UBN1: variants seen among roughly 807,000 people sequenced by gnomAD.
The protein encoded by UBN1 is ubinuclein-1.
In UBN1, 17 loss-of-function variants were observed where a neutral mutation model predicts 108.5. The ratio of observed to expected loss-of-function variants is 0.16; its 90% CI spans 0.11 to 0.24. The LOEUF is 0.24. Among genes scored for constraint, UBN1 ranks in the 10% least tolerant of loss-of-function variants. The pLI is 1.00. For synonymous variants in UBN1, 726 were observed against 564.2 expected, an observed-to-expected ratio of 1.29 and a Z score of -4.07; for missense variants, 1,595 against 1,394.4, an observed-to-expected ratio of 1.14 and a Z score of -2.29.
chr16:4,861,740 G>C (rs572857494), intron 7 of UBN1, among the ~76,000 whole-genome samples: 2 of 152,186 alleles, frequency 1.3e-5, no homozygotes, highest in Non-Finnish European at 2.9e-5. Context: ...TCAGGAGTTC[G>C]AGACCAGCCT....
At position 4,874,771 on chromosome 16, in the gene UBN1, A is replaced by G; in HGVS notation, c.2361A>G (p.Pro787=). The change falls in exon 15 of 18, where the codon CCA becomes CCG. Residue 787 remains proline (P), a synonymous_variant. Transcript: ENST00000262376. Reference sequence around the variant, plus strand: ...CCAAAGCTAAGCACCACAGCTTGCCACGGACGTCTCACGGGCCCCAAGTGG... The same window carrying G: ...CCAAAGCTAAGCACCACAGCTTGCCGCGGACGTCTCACGGGCCCCAAGTGG... ...HQSKAKHHSL[P]RTSHGPQVAV... is the part of the protein sequence containing the mutation. 6.2e-7 allele frequency: 1 copy of G among 1,614,100 alleles called. No homozygotes were observed. The highest frequency in any genetic ancestry group is 1.6e-4 in the Middle Eastern group (1 of 6,062).
intron 11 of UBN1, 58 bp from the exon 12 acceptor site, chr16:4,871,097 G>A (rs745493103): frequency 1.5e-4 from 241 of 1,608,346 alleles, no homozygotes; most frequent in Non-Finnish European, 1.9e-4. Context: ...CACATGATTG[G>A]AACCTTGGAG....
chr16:4,872,748 C>T (rs1449597216), intron 12 of UBN1, 136 bp from the exon 13 acceptor site: 8 of 995,398 alleles, frequency 8.0e-6, no homozygotes, highest in Non-Finnish European at 9.1e-6. Flanking sequence ...GGATTACAGG[C>T]GTGAGCCACT....
chr16:4,871,433 G>C, intron 12 of UBN1, 132 bp downstream of exon 12: 1 of 1,293,900 alleles, frequency 7.7e-7, no homozygotes. Flanking sequence ...TCTCACCTGA[G>C]TAACTGGGGG....
intron 2 of UBN1, among the ~76,000 whole-genome samples, chr16:4,855,578 C>CGCACT (rs1267142239): frequency 1.4e-5 from 2 of 145,950 alleles, no homozygotes; most frequent in Admixed American, 7.0e-5. Context: ...ATCACACCAC[C>CGCACT]GCACTGGGTG....
intron 1 of UBN1, among the ~76,000 whole-genome samples, chr16:4,850,764 T>TA (rs1323349466): frequency 6.6e-6 from 1 of 152,238 alleles, no homozygotes; most frequent in Non-Finnish European, 1.5e-5. Flanking sequence ...TATATACAAA[T>TA]ACGTCTACAT....
intron 12 of UBN1, chr16:4,872,130 A>G (rs2087672800): frequency 4.3e-6 from 4 of 935,610 alleles, no homozygotes; most frequent in Non-Finnish European, 5.1e-6. Context: ...TTGGACTCGA[A>G]TCATCTGTTG....
In UBN1 at chr16:4,860,976, C is replaced by A; in HGVS notation, c.984C>A (p.Pro328=). 6.2e-7 allele frequency: 1 copy of A among 1,614,266 alleles called. No individual in the cohort carries two copies. Among genetic ancestry groups the A allele is most frequent in the Non-Finnish European group, 8.5e-7 (1 of 1,180,052 alleles). The change falls in exon 7 of 18, where the codon CCC becomes CCA. Residue 328 remains proline (P), a synonymous_variant. Transcript: ENST00000262376. The stretch of plus-strand genomic sequence containing the variant: ...TCAGTGAGTCTCCAGAAGGAAGTCC[C>A]TTCCGAGATATGGATGATGGAAGTG... ...HLLSESPEGS[P]FRDMDDGSDS... is the part of the protein sequence containing the mutation.
rs776491071 is a variant in UBN1 at position 4,874,833 on chromosome 16, A to G, written c.2423A>G (p.His808Arg). ...PVPGPQVKVF[H>R]AGTQQQKNFT... ...CCTGGCCCCCAGGTCAAAGTCTTTC[A>G]TGCCGGCACTCAGCAGCAGAAAAAC... The change falls in exon 15 of 18, where the codon CAT becomes CGT. Residue 808 changes from histidine to arginine, a missense_variant. Physicochemically the swap from His to Arg is conservative, Grantham distance 29 (BLOSUM62 0). Coordinates refer to ENST00000262376, the MANE Select transcript of UBN1 (RefSeq NM_001079514.3). The G allele has an allele frequency of 1.2e-6, 2 of 1,614,062 alleles. No individual in the cohort carries two copies. Among genetic ancestry groups the G allele is most frequent in the South Asian group, 2.2e-5 (2 of 91,082 alleles).
At position 4,847,573 on chromosome 16, in the gene UBN1, G is replaced by T; in HGVS notation, c.-677G>T. ...ACGGTGCGACCGGCTGAGCGCGAGAGGGAGCCGGCCTCGCGGCTCGCCCCG... is the reference window on the plus strand; with the variant it reads ...ACGGTGCGACCGGCTGAGCGCGAGATGGAGCCGGCCTCGCGGCTCGCCCCG... On this transcript the variant is annotated 5_prime_UTR_variant, in exon 1 of 18. It adds an upstream start codon to the 5' untranslated region. Transcript: ENST00000262376. 1 of 394,256 alleles carries T rather than the reference G, an allele frequency of 2.5e-6. No individual in the cohort carries two copies. The highest frequency in any genetic ancestry group is 3.3e-5 in the South Asian group (1 of 29,928). 24.4% of individuals were successfully genotyped at this position (394,256 alleles called of 1,614,324 possible).
In UBN1 at chr16:4,857,970, G is replaced by A. The variant is rs757944310; in HGVS notation, c.250-20G>A. 7.0e-6 allele frequency: 11 copies of A among 1,567,406 alleles called. No individual in the cohort carries two copies. In the South Asian group the frequency reaches 1.0e-4, roughly 15 times the overall value. On this transcript the variant is annotated intron_variant, in intron 2 of 17. Coordinates refer to ENST00000262376, the MANE Select transcript of UBN1 (RefSeq NM_001079514.3). Reference sequence around the variant, plus strand: ...GGGAATATTTTCTGACTTATTTTTTGTGGAACGATCTCTTTACAGAAGAAA... The same window carrying A: ...GGGAATATTTTCTGACTTATTTTTTATGGAACGATCTCTTTACAGAAGAAA...
rs1003707102 is a variant in UBN1 at position 4,847,525 on chromosome 16, G to C, written c.-725G>C. ...CGGCTCGTGACAACGAAGCGCCCGCGGTCTGAGGCGGCGGCGGCGGCGACG... is the reference window on the plus strand; with the variant it reads ...CGGCTCGTGACAACGAAGCGCCCGCCGTCTGAGGCGGCGGCGGCGGCGACG... On this transcript the variant is annotated 5_prime_UTR_variant, in exon 1 of 18. Coordinates refer to ENST00000262376, the MANE Select transcript of UBN1 (RefSeq NM_001079514.3). 1 of 487,946 alleles carries C rather than the reference G, an allele frequency of 2.0e-6. No homozygotes were observed. Among genetic ancestry groups the C allele is most frequent in the African/African-American group, 2.1e-5 (1 of 48,296 alleles). 30.2% of individuals were successfully genotyped at this position (487,946 alleles called of 1,614,324 possible).
chr16:4,866,844 A>G (rs2087357824), intron 7 of UBN1, among the ~76,000 whole-genome samples: 1 of 152,208 alleles, frequency 6.6e-6, no homozygotes, highest in Non-Finnish European at 1.5e-5. Context: ...TGAGCTCGTT[A>G]CATAAATGGA....
In UBN1 at chr16:4,877,752, C is replaced by T. The variant is rs1166969475; in HGVS notation, c.3355+278C>T. ...GGGCAGGGTGGTGCGCTTTTGTGTG[C>T]GGTGGAGGAGTTCCTAACCCTCGGC... On this transcript the variant is annotated intron_variant, in intron 17 of 17. Transcript: ENST00000262376. This position sits in a 1 kb window ranked among gnomAD's most constrained non-coding sequence, Gnocchi z 4.3. The T allele has an allele frequency of 1.2e-4, 134 of 1,129,282 alleles. No individual in the cohort carries two copies. The highest frequency in any genetic ancestry group is 1.4e-4 in the Non-Finnish European group (127 of 926,610). 70.0% of individuals were successfully genotyped at this position (1,129,282 alleles called of 1,614,324 possible). A position where few individuals can be genotyped will look rare whatever the true frequency, so the allele number is the denominator to read the frequency against.
rs545875701 is a variant in UBN1 at position 4,853,898 on chromosome 16, T to C, written c.249+732T>C. Reference sequence around the variant, plus strand: ...GATTTTCATGAACTCAGTACCCCCATGTAACCTGCACGTAGGTCACAAAAT... The same window carrying C: ...GATTTTCATGAACTCAGTACCCCCACGTAACCTGCACGTAGGTCACAAAAT... On this transcript the variant is annotated intron_variant, in intron 2 of 17. Coordinates refer to ENST00000262376, the MANE Select transcript of UBN1 (RefSeq NM_001079514.3). Among the ~76,000 whole-genome samples the C allele has an allele frequency of 3.9e-5, 6 of 152,172 alleles. No individual in the cohort carries two copies. The South Asian group carries it at 1.2e-3, about 32-fold the overall frequency.
At chr16:4,864,109 C>G (rs1317576921) in intron 7 of UBN1, among the ~76,000 whole-genome samples, 1 of 110,174 alleles carries the variant, frequency 9.1e-6, no homozygotes, top group Non-Finnish European at 1.7e-5. Context: ...GAGACAGAGT[C>G]TGACTCCATC....
chr16:4,870,402 C>T, intron 9 of UBN1, 61 bp downstream of exon 9: 1 of 1,610,666 alleles, frequency 6.2e-7, no homozygotes, highest in Non-Finnish European at 8.5e-7. Context: ...GTGACTGAGT[C>T]TTAAGCAATG....
intron 12 of UBN1, chr16:4,872,155 G>C (rs1418741735): frequency 1.0e-6 from 1 of 981,482 alleles, no homozygotes. Flanking sequence ...GATAGATCTT[G>C]GAACCTTTGA....
chr16:4,867,765 G>T (rs527740467), intron 7 of UBN1, among the ~76,000 whole-genome samples: 1 of 151,970 alleles, frequency 6.6e-6, no homozygotes, highest in South Asian at 2.1e-4. Flanking sequence ...GAAGGTGAGT[G>T]GGGGAGATGA....
Sources: gnomAD v4.1 joint callset for allele counts (sites outside exome capture counted in the v4.1 genomes callset) on GRCh38, gnomAD v4.1.1 for gene constraint, Gnocchi (gnomAD v3.1) non-coding constraint, MANE v1.5 for transcripts, NCBI Gene and HGNC (gene_info 2026-07-23, HGNC 2026-07-21) for gene names.